The following STIL variants were observed in gnomAD, a reference collection of about 807,000 sequenced individuals.
The protein encoded by STIL is SCL-interrupting locus protein.
In STIL, 55 loss-of-function variants were observed where a neutral mutation model predicts 110.1. The ratio of observed to expected loss-of-function variants is 0.50; its 90% CI spans 0.40 to 0.63. The LOEUF is 0.63. Among genes scored for constraint, STIL ranks in the 20% least tolerant of loss-of-function variants. The pLI is 0.00. For synonymous variants in STIL, 481 were observed against 530.0 expected (o/e 0.91, Z 1.27); for missense variants, 1,358 against 1,530.0 (o/e 0.89, Z 1.87).
chr1:47,269,507 T>C, intron 14 of STIL, 128 bp downstream of exon 14: 1 of 698,684 alleles, frequency 1.4e-6, no homozygotes, highest in Non-Finnish European at 2.4e-6. Flanking sequence ...GTTGGTCTGA[T>C]TTAATCATTC....
intron 14 of STIL, among the ~76,000 whole-genome samples, chr1:47,265,783 C>CAAAAAAAAAAAAAAAAAAAAAAAAAA (rs1179019596): frequency 1.5e-5 from 1 of 65,606 alleles, no homozygotes. Flanking sequence ...AAGACTGTCT[C>CAAAAAAAAAAAAAAAAAAAAAAAAAA]AAAAAAAAAA....
chr1:47,260,188 C>T, intron 16 of STIL, 101 bp downstream of exon 16: 1 of 1,214,924 alleles, frequency 8.2e-7, no homozygotes, highest in Non-Finnish European at 1.1e-6. Context: ...TGCCACAATA[C>T]ATCTAAAATT....
chr1:47,256,809 A>G (rs1189828588), intron 16 of STIL, among the ~76,000 whole-genome samples: 2 of 151,918 alleles, frequency 1.3e-5, no homozygotes, highest in Admixed American at 6.6e-5. Flanking sequence ...AGCCTGACTA[A>G]CATGGAGAAA....
intron 12 of STIL, among the ~76,000 whole-genome samples, chr1:47,274,236 T>C (rs1384170795): frequency 3.3e-5 from 5 of 152,226 alleles, no homozygotes; most frequent in African/African-American, 1.2e-4. Flanking sequence ...ACTCAGGTCC[T>C]AAAATTGATC....
chr1:47,302,283 A>G lies in STIL; in HGVS notation c.216T>C (p.Asn72=), dbSNP rs772217581. The change falls in exon 4 of 17, where the codon AAT becomes AAC. Residue 72 remains asparagine (N), a synonymous_variant. Transcript: ENST00000371877. The part of the protein sequence containing the change: ...IRLAYRHAKQ[N]KKNSSCFLLG... Reference sequence around the variant, plus strand: ...GTAAAAAGCATGACGAATTTTTTTTATTCTGCTTAGCATGACGATAAGCAA... The same window carrying G: ...GTAAAAAGCATGACGAATTTTTTTTGTTCTGCTTAGCATGACGATAAGCAA... 3.8e-5 allele frequency: 62 copies of G among 1,613,988 alleles called. No individual in the cohort carries two copies. Among genetic ancestry groups the G allele is most frequent in the Non-Finnish European group, 4.9e-5 (58 of 1,180,008 alleles).
At position 47,300,025 on chromosome 1, in the gene STIL, G is replaced by C. The variant is rs1645756497; in HGVS notation, c.581C>G (p.Thr194Ser). The change falls in exon 6 of 17, where the codon ACT becomes AGT. Residue 194 changes from threonine to serine, a missense_variant. Physicochemically the swap from Thr to Ser is moderately conservative, Grantham distance 58. Transcript: ENST00000371877. The part of the protein sequence containing the change: ...VEFDLHWAAV[T>S]LANNFKCTPV... ...TGTGCATTTAAAGTTATTTGCTAGAGTTACTGCTGCCCAATGCAAGTCAAA... is the reference window on the plus strand; with the variant it reads ...TGTGCATTTAAAGTTATTTGCTAGACTTACTGCTGCCCAATGCAAGTCAAA... The C allele has an allele frequency of 6.2e-7, 1 of 1,614,024 alleles. No homozygotes were observed. Among genetic ancestry groups the C allele is most frequent in the African/African-American group, 1.3e-5 (1 of 74,920 alleles).
At chr1:47,288,304 T>G (rs1426128096) in intron 9 of STIL, among the ~76,000 whole-genome samples, 1 of 149,548 alleles carries the variant, frequency 6.7e-6, no homozygotes, top group African/African-American at 2.4e-5. Context: ...TACTTCCTCT[T>G]TTTTTTTTTG....
Position 47,270,249 on chromosome 1 carries a change from T to TACACAC in STIL, c.2384-384_2384-383insGTGTGT, listed in dbSNP as rs1277764959. 8.6e-3 allele frequency among the ~76,000 whole-genome samples: 649 copies of TACACAC among 75,164 alleles called. 4 individuals carry two copies. Among genetic ancestry groups the TACACAC allele is most frequent in the African/African-American group, 0.02 (445 of 22,090 alleles). The allele number at this position is 75,164 out of a possible 152,430, so 49.3% of individuals were successfully genotyped here. ...GCTCAAAAAAAAAAAAAAATATATATATATATACACACACACACACACACA... is the reference window on the plus strand; with the variant it reads ...GCTCAAAAAAAAAAAAAAATATATATACACACATATATACACACACACACACACACA... On this transcript the variant is annotated intron_variant, in intron 13 of 16. Coordinates refer to ENST00000371877, the MANE Select transcript of STIL (RefSeq NM_001048166.1).
intron 10 of STIL, 147 bp from the exon 11 acceptor site, chr1:47,282,606 C>T: frequency 3.2e-6 from 2 of 629,166 alleles, no homozygotes; most frequent in Non-Finnish European, 5.7e-6. Context: ...TTTTATTTTT[C>T]AGGCCAGTGT....
chr1:47,265,803 AAAAG>A (rs1405458562), intron 14 of STIL, among the ~76,000 whole-genome samples: 15 of 151,062 alleles, frequency 9.9e-5, no homozygotes, highest in Non-Finnish European at 2.1e-4. Context: ...AAAAAAAAAA[AAAAG>A]AAACAGTCTC....
Position 47,289,570 on chromosome 1 carries a change from A to C in STIL, c.888T>G (p.Ser296=). ...SSVQERVFSE[S]GNFIIVLYSM... is the part of the protein sequence containing the mutation. ...AATAGAGAACTATGATGAAATTTCC[A>C]GATTCTGAAAAAACCCTGCACAAAA... is the stretch of plus-strand genomic sequence containing the variant. The change falls in exon 9 of 17, where the codon TCT becomes TCG. Residue 296 remains serine, a synonymous_variant. Transcript: ENST00000371877. The C allele has an allele frequency of 6.2e-7, 1 of 1,613,704 alleles. No individual in the cohort carries two copies. The highest frequency in any genetic ancestry group is 8.5e-7 in the Non-Finnish European group (1 of 1,179,686).
chr1:47,251,167 T>C lies in STIL; in HGVS notation c.3836A>G (p.Lys1279Arg), dbSNP rs2148617096. 2 of 1,613,800 alleles carry C rather than the reference T, an allele frequency of 1.2e-6. No homozygotes were observed. Among genetic ancestry groups the C allele is most frequent in the Non-Finnish European group, 8.5e-7 (1 of 1,179,942 alleles). The change falls in exon 17 of 17, where the codon AAA becomes AGA. Residue 1279 changes from lysine to arginine, a missense_variant. Lys to Arg is a conservative substitution (Grantham distance 26). Transcript: ENST00000371877. The stretch of plus-strand genomic sequence containing the variant: ...TAATTTTGGTAACTGTCTGAGACGT[T>C]TTACATCTAAGAAGGTGCCTACTGA... ...MNSVGTFLDV[K>R]RLRQLPKLF
intron 13 of STIL, among the ~76,000 whole-genome samples, chr1:47,270,255 T>TACATACAC (rs1553172418): frequency 2.5e-5 from 3 of 119,398 alleles, no homozygotes; most frequent in Admixed American, 1.0e-4. Context: ...TATATATATA[T>TACATACAC]ACACACACAC....
chr1:47,260,580 A>G, intron 15 of STIL, 41 bp from the exon 16 acceptor site: 1 of 1,601,826 alleles, frequency 6.2e-7, no homozygotes. Flanking sequence ...AATCACTATT[A>G]ACAATGTTAG....
chr1:47,306,133 T>C (rs923983287), intron 2 of STIL, among the ~76,000 whole-genome samples: 1 of 152,196 alleles, frequency 6.6e-6, no homozygotes, highest in Non-Finnish European at 1.5e-5. Context: ...TATGCATATG[T>C]AAATTTATGT....
At chr1:47,314,279 G>A (rs3125632), upstream of STIL, 87,573 of 152,254 alleles carry the variant, frequency 0.58, 27,338 homozygotes, top group African/African-American at 0.83. Context: ...TTGGTGTGCC[G>A]ACCAATCAGC....
intron 14 of STIL, among the ~76,000 whole-genome samples, chr1:47,267,708 TTTTTG>T (rs10637098): frequency 6.2e-5 from 9 of 144,336 alleles, no homozygotes; most frequent in South Asian, 2.1e-4. Flanking sequence ...TAGAATCCGT[TTTTTG>T]TTTTGTTTTG....
At chr1:47,259,011 C>G (rs367838831) in intron 16 of STIL, among the ~76,000 whole-genome samples, 10 of 101,552 alleles carry the variant, frequency 9.8e-5, no homozygotes, top group East Asian at 2.7e-4. Context: ...TTTTTTGAGA[C>G]AGTCTTGCTT....
chr1:47,307,893 C>T (rs927139930), intron 2 of STIL, among the ~76,000 whole-genome samples: 11 of 152,090 alleles, frequency 7.2e-5, no homozygotes, highest in Non-Finnish European at 1.5e-4. Context: ...CTCTTATGGT[C>T]GAGATTGCAG....
Sources: allele counts gnomAD v4.1 joint callset (sites outside exome capture counted in the v4.1 genomes callset), GRCh38; gene constraint gnomAD v4.1.1; transcripts MANE v1.5; gene names NCBI Gene and HGNC (gene_info 2026-07-23, HGNC 2026-07-21).